The following SLC2A13 variants were observed in gnomAD, a reference collection of about 807,000 sequenced individuals.
SLC2A13 encodes the protein solute carrier family 2 member 13, also known as proton myo-inositol cotransporter.
A neutral mutation model predicts 64.4 loss-of-function variants in SLC2A13; 32 were observed. The observed-to-expected ratio is 0.50, with a 90% CI of 0.37 to 0.67. The LOEUF is 0.67. SLC2A13 is among the 30% of genes least tolerant of loss of function. The pLI, the probability that SLC2A13 is intolerant of heterozygous loss-of-function variation, is 0.00. For missense variants in SLC2A13, 743 were observed against 829.2 expected, an observed-to-expected ratio of 0.90 and a Z score of 1.28; for synonymous variants, 338 against 327.1, an observed-to-expected ratio of 1.03 and a Z score of -0.36.
intron 3 of SLC2A13, among the ~76,000 whole-genome samples, chr12:39,978,983 G>A (rs1453169970): frequency 4.7e-5 from 7 of 149,184 alleles, no homozygotes; most frequent in African/African-American, 1.5e-4. Context: ...TCTGAGAACG[G>A]GCAGACTGCC....
chr12:40,090,253 T>A lies in SLC2A13; in HGVS notation c.556+15000A>T, dbSNP rs2136295768. Among the ~76,000 whole-genome samples, 3 of 152,314 alleles carry A rather than the reference T, an allele frequency of 2.0e-5. No individual in the cohort carries two copies. The Middle Eastern group carries it at 0.01, about 518-fold the overall frequency. On this transcript the variant is annotated intron_variant, in intron 1 of 9. Transcript: ENST00000280871. ...ATCATCAGACTCTTTTCTAAATGCTTCCAAATCTTCATTAATAATATTTTA... is the reference window on the plus strand; with the variant it reads ...ATCATCAGACTCTTTTCTAAATGCTACCAAATCTTCATTAATAATATTTTA...
chr12:39,982,490 A>G (rs1400020801), intron 3 of SLC2A13, among the ~76,000 whole-genome samples: 5 of 151,714 alleles, frequency 3.3e-5, no homozygotes, highest in Admixed American at 3.3e-4. Flanking sequence ...CTCAGGATAC[A>G]AAATCAAAGT....
chr12:40,096,546 T>C (rs1158174909), intron 1 of SLC2A13, among the ~76,000 whole-genome samples: 1 of 151,960 alleles, frequency 6.6e-6, no homozygotes, highest in East Asian at 1.9e-4. Flanking sequence ...ACCAATATAC[T>C]AGAGAAGATG....
intron 2 of SLC2A13, among the ~76,000 whole-genome samples, chr12:40,036,358 C>A (rs1160466672): frequency 6.6e-6 from 1 of 152,090 alleles, no homozygotes; most frequent in Non-Finnish European, 1.5e-5. Flanking sequence ...TGCAGAGATC[C>A]AAGGTGTAAC....
intron 7 of SLC2A13, among the ~76,000 whole-genome samples, chr12:39,822,793 T>A (rs1337664584): frequency 6.6e-6 from 1 of 152,210 alleles, no homozygotes; most frequent in Non-Finnish European, 1.5e-5. Context: ...AATATTAAGT[T>A]TGACTGAAAA....
In SLC2A13 at chr12:39,755,870, G is replaced by A. The variant is rs1270035395; in HGVS notation, c.*4156C>T. 2.0e-5 allele frequency: 3 copies of A among 151,946 alleles called. No homozygotes were observed. The highest frequency in any genetic ancestry group is 2.0e-4 in the Admixed American group (3 of 15,204). The allele number at this position is 151,946 out of a possible 1,614,324, so 9.4% of individuals were successfully genotyped here. Reference sequence around the variant, plus strand: ...AATTATACGGATAAAATACTTTCATGAACTTCTGAACATCAACACTCTTAT... The same window carrying A: ...AATTATACGGATAAAATACTTTCATAAACTTCTGAACATCAACACTCTTAT... On this transcript the variant is annotated 3_prime_UTR_variant, in exon 10 of 10. Coordinates refer to ENST00000280871, the MANE Select transcript of SLC2A13 (RefSeq NM_052885.4).
intron 3 of SLC2A13, among the ~76,000 whole-genome samples, chr12:39,997,771 C>T (rs28740215): frequency 0.023 from 3,509 of 152,118 alleles, 145 homozygotes; most frequent in African/African-American, 0.08. Context: ...GCGGAGTTTG[C>T]GGTGAGCCGA....
At chr12:39,789,513 A>G (rs1473631143) in intron 7 of SLC2A13, among the ~76,000 whole-genome samples, 2 of 152,172 alleles carry the variant, frequency 1.3e-5, no homozygotes, top group Non-Finnish European at 2.9e-5. Flanking sequence ...TATTTTTAAC[A>G]TATCTCCAGG....
At chr12:40,056,416 A>C (rs988922647) in intron 1 of SLC2A13, among the ~76,000 whole-genome samples, 1 of 152,216 alleles carries the variant, frequency 6.6e-6, no homozygotes, top group Non-Finnish European at 1.5e-5. Context: ...TTAAGAGGTT[A>C]TAAAAACATG....
At chr12:39,972,582 C>A (rs1477843558) in intron 3 of SLC2A13, among the ~76,000 whole-genome samples, 1 of 152,164 alleles carries the variant, frequency 6.6e-6, no homozygotes, top group African/African-American at 2.4e-5. Context: ...GAACATTGCT[C>A]CTATAATTAT....
intron 1 of SLC2A13, among the ~76,000 whole-genome samples, chr12:40,096,259 A>G (rs1166197193): frequency 1.3e-5 from 2 of 152,024 alleles, no homozygotes; most frequent in Non-Finnish European, 2.9e-5. Flanking sequence ...CTAATTTAGT[A>G]AGTATCGTGT....
chr12:39,978,249 T>C (rs189452587), intron 3 of SLC2A13, among the ~76,000 whole-genome samples: 1 of 152,236 alleles, frequency 6.6e-6, no homozygotes, highest in African/African-American at 2.4e-5. Context: ...GGAAGAACTC[T>C]TAATTGGTGA....
At chr12:40,057,291 C>T (rs1391999515) in intron 1 of SLC2A13, among the ~76,000 whole-genome samples, 1 of 151,878 alleles carries the variant, frequency 6.6e-6, no homozygotes, top group Non-Finnish European at 1.5e-5. Context: ...GAAAAAGAAA[C>T]CATTATAAGA....
intron 7 of SLC2A13, among the ~76,000 whole-genome samples, chr12:39,817,207 C>T (rs1381531676): frequency 6.6e-6 from 1 of 152,194 alleles, no homozygotes; most frequent in Non-Finnish European, 1.5e-5. Context: ...TCAACAAATT[C>T]ATTAGAAAGT....
intron 6 of SLC2A13, among the ~76,000 whole-genome samples, chr12:39,833,714 AATAG>A (rs796624031): frequency 1.3e-5 from 2 of 152,134 alleles, no homozygotes; most frequent in African/African-American, 4.8e-5. Context: ...TGTCCCCAAT[AATAG>A]ATAGATTTCC....
In SLC2A13 at chr12:39,893,268, T is replaced by C. The variant is rs148395471; in HGVS notation, c.1035-21307A>G. 1.5e-4 allele frequency among the ~76,000 whole-genome samples: 23 copies of C among 152,354 alleles called. No homozygotes were observed. In the East Asian group the frequency reaches 3.5e-3, roughly 23 times the overall value. On this transcript the variant is annotated intron_variant, in intron 4 of 9. Coordinates refer to ENST00000280871, the MANE Select transcript of SLC2A13 (RefSeq NM_052885.4). Reference sequence around the variant, plus strand: ...AATAATTTTATCTATGTCTATTTTATAGAAAACAAAACATTCCTTTATAGT... The same window carrying C: ...AATAATTTTATCTATGTCTATTTTACAGAAAACAAAACATTCCTTTATAGT...
intron 4 of SLC2A13, chr12:39,907,607 T>C (rs1945321765): frequency 6.6e-6 from 1 of 152,144 alleles, no homozygotes; most frequent in Non-Finnish European, 1.5e-5. Flanking sequence ...ATTTTGAGTG[T>C]TAAGATTACA....
intron 7 of SLC2A13, among the ~76,000 whole-genome samples, chr12:39,770,863 G>A (rs1456761513): frequency 1.3e-5 from 2 of 152,068 alleles, no homozygotes; most frequent in African/African-American, 4.8e-5. Flanking sequence ...CCAAGACTAG[G>A]AGCTTTGGTA....
intron 3 of SLC2A13, among the ~76,000 whole-genome samples, chr12:39,978,517 C>A (rs988215927): frequency 5.1e-4 from 78 of 152,172 alleles, no homozygotes; most frequent in Non-Finnish European, 8.8e-5. Context: ...CTGGGAAGCG[C>A]AAGGGGTCAG....
Sources: allele counts gnomAD v4.1 joint callset (sites outside exome capture counted in the v4.1 genomes callset), GRCh38; gene constraint gnomAD v4.1.1; transcripts MANE v1.5; gene names NCBI Gene and HGNC (gene_info 2026-07-23, HGNC 2026-07-21).